Variants in SLC24A2 observed in about 807,000 individuals in gnomAD.
The protein encoded by SLC24A2 is solute carrier family 24 member 2.
SLC24A2 carries 36 observed loss-of-function variants against 62.0 expected under a neutral mutation model. The ratio of observed to expected loss-of-function variants is 0.58; its 90% CI spans 0.44 to 0.77. SLC24A2 has a LOEUF of 0.77. Among genes scored for constraint, SLC24A2 ranks in the 30% least tolerant of loss-of-function variants. The pLI is 0.00. For missense variants in SLC24A2, 846 were observed against 817.9 expected (o/e 1.03, Z -0.42); for synonymous variants, 358 against 294.0 (o/e 1.22, Z -2.23).
the SLC24A2 span, among the ~76,000 whole-genome samples, chr9:20,126,340 T>A: frequency 6.6e-6 from 1 of 152,312 alleles, no homozygotes; most frequent in Non-Finnish European, 1.5e-5. Flanking sequence ...CTCATTTTTC[T>A]ACTAGGTTAT....
At chr9:19,681,541 C>A (rs1819722949) in intron 2 of SLC24A2, among the ~76,000 whole-genome samples, 1 of 152,138 alleles carries the variant, frequency 6.6e-6, no homozygotes, top group African/African-American at 2.4e-5. Flanking sequence ...CCTAGCCTAA[C>A]CCAGTTGAGG....
chr9:20,295,957 T>C, the SLC24A2 span, among the ~76,000 whole-genome samples: 22 of 152,340 alleles, frequency 1.4e-4, no homozygotes, highest in East Asian at 3.7e-3. Flanking sequence ...CCCTGACTAA[T>C]ATAAATTTTG....
chr9:19,893,788 C>G, the SLC24A2 span, among the ~76,000 whole-genome samples: 3 of 152,160 alleles, frequency 2.0e-5, no homozygotes, highest in Non-Finnish European at 4.4e-5. Flanking sequence ...ATTTTCCTCT[C>G]TCACGCCACA....
At chr9:20,136,299 T>C in the SLC24A2 span, among the ~76,000 whole-genome samples, 202 of 152,242 alleles carry the variant, frequency 1.3e-3, no homozygotes, top group Middle Eastern at 6.8e-3. Flanking sequence ...ATAGTCAAGT[T>C]TTCAGCCTAT....
chr9:19,757,575 A>G (rs890519452), intron 2 of SLC24A2, among the ~76,000 whole-genome samples: 2 of 152,242 alleles, frequency 1.3e-5, no homozygotes, highest in Non-Finnish European at 2.9e-5. Context: ...GGCCAGGCCC[A>G]TAACTGAAAT....
At chr9:19,566,274 AAAC>A (rs1190900007) in intron 7 of SLC24A2, among the ~76,000 whole-genome samples, 3 of 150,404 alleles carry the variant, frequency 2.0e-5, no homozygotes, top group South Asian at 2.1e-4. Context: ...TACAAGAAAA[AAAC>A]AACCCCATCA....
At chr9:20,099,304 T>A in the SLC24A2 span, among the ~76,000 whole-genome samples, 1 of 152,228 alleles carries the variant, frequency 6.6e-6, no homozygotes, top group Non-Finnish European at 1.5e-5. Context: ...ATTTGACGAT[T>A]ACAAATCATA....
the SLC24A2 span, among the ~76,000 whole-genome samples, chr9:20,255,216 G>A: frequency 6.6e-6 from 1 of 152,118 alleles, no homozygotes; most frequent in African/African-American, 2.4e-5. Context: ...ATGACAAATG[G>A]TTTCATTTTA....
the SLC24A2 span, among the ~76,000 whole-genome samples, chr9:19,821,774 C>T: frequency 2.0e-5 from 3 of 151,994 alleles, no homozygotes; most frequent in Non-Finnish European, 2.9e-5. Flanking sequence ...TGCATGGCCA[C>T]GTGTTTGTAG....
At chr9:20,200,135 T>C in the SLC24A2 span, among the ~76,000 whole-genome samples, 18 of 152,080 alleles carry the variant, frequency 1.2e-4, no homozygotes, top group South Asian at 3.7e-3. Flanking sequence ...CACTGACACA[T>C]ACCTTATTGT....
the SLC24A2 span, among the ~76,000 whole-genome samples, chr9:20,288,658 T>C: frequency 6.7e-6 from 1 of 149,256 alleles, no homozygotes; most frequent in African/African-American, 2.5e-5. Context: ...TTTGGAAGGC[T>C]GATGCACAAG....
chr9:19,579,356 A>G (rs1001236975), intron 5 of SLC24A2, among the ~76,000 whole-genome samples: 1 of 152,216 alleles, frequency 6.6e-6, no homozygotes, highest in Non-Finnish European at 1.5e-5. Flanking sequence ...TGAGGACTAG[A>G]TAAACAGATA....
At chr9:20,172,097 A>T in the SLC24A2 span, among the ~76,000 whole-genome samples, 1 of 152,112 alleles carries the variant, frequency 6.6e-6, no homozygotes, top group African/African-American at 2.4e-5. Context: ...AAATTAAATA[A>T]TCTGCTCCGG....
the SLC24A2 span, among the ~76,000 whole-genome samples, chr9:20,008,896 C>A: frequency 3.3e-5 from 5 of 152,162 alleles, no homozygotes; most frequent in East Asian, 9.6e-4. Flanking sequence ...CGGCTTCACT[C>A]TCCCCCACAG....
At chr9:19,625,977 G>A (rs1038500650) in intron 2 of SLC24A2, among the ~76,000 whole-genome samples, 9 of 151,862 alleles carry the variant, frequency 5.9e-5, no homozygotes, top group African/African-American at 9.7e-5. Flanking sequence ...GTGAGCCACC[G>A]CGCCCTGCTG....
At chr9:19,653,353 A>G (rs1156853806) in intron 2 of SLC24A2, among the ~76,000 whole-genome samples, 3 of 152,070 alleles carry the variant, frequency 2.0e-5, no homozygotes, top group Admixed American at 6.6e-5. Flanking sequence ...TCCCTTCATA[A>G]TCCTCTTGAG....
intron 2 of SLC24A2, among the ~76,000 whole-genome samples, chr9:19,661,692 C>T (rs772698325): frequency 3.4e-4 from 51 of 152,222 alleles, no homozygotes; most frequent in Non-Finnish European, 6.9e-4. Context: ...TTTTTCAAAA[C>T]TTTAATCATG....
the SLC24A2 span, among the ~76,000 whole-genome samples, chr9:20,230,385 T>C: frequency 6.6e-6 from 1 of 152,188 alleles, no homozygotes; most frequent in Non-Finnish European, 1.5e-5. Flanking sequence ...CCACATCCTC[T>C]CCAGCACCTG....
At chr9:19,645,483 C>T (rs1818615595) in intron 2 of SLC24A2, among the ~76,000 whole-genome samples, 1 of 152,052 alleles carries the variant, frequency 6.6e-6, no homozygotes, top group Admixed American at 6.6e-5. Flanking sequence ...AAATTCTTCA[C>T]ATAAACATGG....
Sources: gnomAD v4.1 joint callset for allele counts (sites outside exome capture counted in the v4.1 genomes callset) on GRCh38, gnomAD v4.1.1 for gene constraint, MANE v1.5 for transcripts, NCBI Gene and HGNC (gene_info 2026-07-23, HGNC 2026-07-21) for gene names.